Variants in ZNF385B observed in about 807,000 individuals in gnomAD.
ZNF385B encodes zinc finger protein 533.
Under a neutral mutation model 39.2 loss-of-function variants are expected in ZNF385B, and 23 were observed. The ratio of observed to expected loss-of-function variants is 0.59; its 90% CI spans 0.42 to 0.83. The LOEUF (loss-of-function observed/expected upper bound fraction) is 0.83, where lower values mean the gene tolerates loss of function less well. Among genes scored for constraint, ZNF385B ranks in the 40% least tolerant of loss-of-function variants. ZNF385B has a pLI of 0.00. For missense variants in ZNF385B, 552 were observed against 598.9 expected (o/e 0.92, Z 0.82); for synonymous variants, 205 against 222.6 (o/e 0.92, Z 0.70).
rs138950093 is a variant in ZNF385B, at chr2:179,567,650, C to T, written c.299-22681G>A. On this transcript the variant is annotated intron_variant, in intron 3 of 9. Transcript: ENST00000410066. ...ACATATTGTCAGCTCAAAGCCACTG[C>T]AATCAAAGGAGAGACAAAAGTGGGC... Among the ~76,000 whole-genome samples the T allele has an allele frequency of 6.6e-5, 10 of 152,306 alleles. No homozygotes were observed. In the East Asian group the frequency reaches 1.9e-3, roughly 29 times the overall value.
At position 179,571,708 on chromosome 2, in the gene ZNF385B, A is replaced by G. The variant is rs149720471; in HGVS notation, c.299-26739T>C. Among the ~76,000 whole-genome samples, 37 of 152,300 alleles carry G rather than the reference A, an allele frequency of 2.4e-4. No individual in the cohort carries two copies. In the East Asian group the frequency reaches 6.6e-3, roughly 27 times the overall value. On this transcript the variant is annotated intron_variant, in intron 3 of 9. Coordinates refer to ENST00000410066, the MANE Select transcript of ZNF385B (RefSeq NM_152520.6). ...CATGGCGTTTCTCAAATACAATATTAGACAGTTCTTGCTAATGCTACACTT... is the reference window on the plus strand; with the variant it reads ...CATGGCGTTTCTCAAATACAATATTGGACAGTTCTTGCTAATGCTACACTT...
chr2:179,455,447 GT>G lies in ZNF385B; in HGVS notation c.716-8678del, dbSNP rs1173202873. 1.1e-4 allele frequency among the ~76,000 whole-genome samples: 16 copies of G among 152,140 alleles called. No individual in the cohort carries two copies. The East Asian group carries it at 2.5e-3, about 24-fold the overall frequency. ...CATGAGATCTGATGGTTTCATAAGAGTTTTTTCCCCCTTTTGCTCGGCACGT... is the reference window on the plus strand; with the variant it reads ...CATGAGATCTGATGGTTTCATAAGAGTTTTTCCCCCTTTTGCTCGGCACGT... On this transcript the variant is annotated intron_variant, in intron 6 of 9. Transcript: ENST00000410066.
chr2:179,460,080 G>A (rs1184239218), intron 6 of ZNF385B, among the ~76,000 whole-genome samples: 1 of 151,882 alleles, frequency 6.6e-6, no homozygotes, highest in African/African-American at 2.4e-5. Flanking sequence ...CTCCAGCCTG[G>A]GCAACAGAGT....
intron 6 of ZNF385B, among the ~76,000 whole-genome samples, chr2:179,480,184 G>A (rs892853240): frequency 2.0e-5 from 3 of 152,128 alleles, no homozygotes; most frequent in Non-Finnish European, 4.4e-5. Flanking sequence ...CCACTTGACA[G>A]GAACTCTTCA....
intron 3 of ZNF385B, among the ~76,000 whole-genome samples, chr2:179,639,042 C>A (rs566849190): frequency 2.0e-5 from 3 of 151,706 alleles, no homozygotes; most frequent in African/African-American, 7.3e-5. Flanking sequence ...AACATGACAA[C>A]AATCCCATCT....
At chr2:179,591,779 T>C (rs1182818991) in intron 3 of ZNF385B, among the ~76,000 whole-genome samples, 1 of 152,114 alleles carries the variant, frequency 6.6e-6, no homozygotes, top group African/African-American at 2.4e-5. Flanking sequence ...ATAGATAAAC[T>C]GAGGCTCAGG....
intron 3 of ZNF385B, among the ~76,000 whole-genome samples, chr2:179,614,966 A>G (rs1039697566): frequency 7.9e-5 from 12 of 152,238 alleles, no homozygotes; most frequent in Non-Finnish European, 1.5e-4. Flanking sequence ...GAAATGTCAC[A>G]TATTAGACTT....
rs1160756004 is a variant in ZNF385B, at chr2:179,443,298, A to G, written c.1413T>C (p.His471=). ...AGGCAGGAGTGGCGCGGATGGGCCCATGCCCAGGCCTCAGAAGAGCTGGAG... is the reference window on the plus strand; with the variant it reads ...AGGCAGGAGTGGCGCGGATGGGCCCGTGCCCAGGCCTCAGAAGAGCTGGAG... ...AIPPALLRPG[H]GPIRATPASI... is the part of the protein sequence containing the mutation. The change falls in exon 10 of 10, where the codon CAT becomes CAC. Residue 471 remains histidine (H), a synonymous_variant. Coordinates refer to ENST00000410066, the MANE Select transcript of ZNF385B (RefSeq NM_152520.6). The G allele has an allele frequency of 6.2e-7, 1 of 1,612,774 alleles. No homozygotes were observed. Among genetic ancestry groups the G allele is most frequent in the East Asian group, 2.2e-5 (1 of 44,886 alleles).
At chr2:179,847,997 A>G (rs929396541) in intron 1 of ZNF385B, among the ~76,000 whole-genome samples, 19 of 152,332 alleles carry the variant, frequency 1.2e-4, no homozygotes, top group Admixed American at 3.9e-4. Flanking sequence ...ACATAGCTCT[A>G]GAAAGAAGCA....
intron 3 of ZNF385B, among the ~76,000 whole-genome samples, chr2:179,715,272 T>C (rs1700264218): frequency 6.6e-6 from 1 of 152,206 alleles, no homozygotes; most frequent in Non-Finnish European, 1.5e-5. Flanking sequence ...CCATAGGTGA[T>C]GACTTCCAAA....
At chr2:179,753,369 C>G (rs943868223) in intron 3 of ZNF385B, among the ~76,000 whole-genome samples, 1 of 152,062 alleles carries the variant, frequency 6.6e-6, no homozygotes, top group African/African-American at 2.4e-5. Flanking sequence ...AGTCAGGTAG[C>G]GTGATGCCTC....
Position 179,518,542 on chromosome 2 carries a change from G to A in ZNF385B, c.538C>T (p.Arg180Cys), listed in dbSNP as rs781519077. 3.0e-5 allele frequency: 48 copies of A among 1,603,638 alleles called. No individual in the cohort carries two copies. Among genetic ancestry groups the A allele is most frequent in the Non-Finnish European group, 3.8e-5 (45 of 1,176,014 alleles). The change falls in exon 5 of 10, where the codon CGC (arginine) becomes TGC (cysteine). Residue 180 changes from arginine (R) to cysteine (C), a missense_variant. Physicochemically the swap from Arg to Cys is radical, Grantham distance 180. Coordinates refer to ENST00000410066, the MANE Select transcript of ZNF385B (RefSeq NM_152520.6). ...GTGATACTCACATCTGAGTTAAAGC[G>A]AAGCTGACAGACATTACAAGAAATA... ...QVISCNVCQL[R>C]FNSDSQAEAH...
At chr2:179,483,205 A>T in intron 6 of ZNF385B, 67 bp downstream of exon 6, 1 of 1,576,710 alleles carries the variant, frequency 6.3e-7, no homozygotes, top group Non-Finnish European at 8.7e-7. Flanking sequence ...TGAGGGCAGG[A>T]AAACGGGGTC....
intron 3 of ZNF385B, among the ~76,000 whole-genome samples, chr2:179,611,740 A>C (rs1232791069): frequency 1.3e-5 from 2 of 152,046 alleles, no homozygotes; most frequent in Admixed American, 1.3e-4. Context: ...GAATTTCCTC[A>C]TGGTTCAATC....
chr2:179,673,370 G>A (rs1420256945), intron 3 of ZNF385B, among the ~76,000 whole-genome samples: 1 of 151,936 alleles, frequency 6.6e-6, no homozygotes, highest in Non-Finnish European at 1.5e-5. Context: ...AACATCATAC[G>A]CTTTTCACAA....
intron 3 of ZNF385B, among the ~76,000 whole-genome samples, chr2:179,737,066 T>C (rs1701809821): frequency 6.6e-6 from 1 of 152,196 alleles, no homozygotes. Context: ...CTCATCACAT[T>C]GTTTATTTAT....
At chr2:179,532,576 T>C (rs2059318506) in intron 4 of ZNF385B, among the ~76,000 whole-genome samples, 1 of 152,236 alleles carries the variant, frequency 6.6e-6, no homozygotes, top group African/African-American at 2.4e-5. Flanking sequence ...TTCTGAATTA[T>C]TCTGCTTTCT....
intron 1 of ZNF385B, among the ~76,000 whole-genome samples, chr2:179,777,768 G>A (rs1704416152): frequency 8.5e-6 from 1 of 117,898 alleles, no homozygotes; most frequent in South Asian, 2.9e-4. Flanking sequence ...TATATCAAGA[G>A]GTTTTTTTTT....
At chr2:179,555,225 AAAAT>A (rs1199904853) in intron 3 of ZNF385B, among the ~76,000 whole-genome samples, 1 of 149,802 alleles carries the variant, frequency 6.7e-6, no homozygotes, top group African/African-American at 2.5e-5. Context: ...GAAAAGAACT[AAAAT>A]AAAGGAGTAC....
Sources: gnomAD v4.1 joint callset for allele counts (sites outside exome capture counted in the v4.1 genomes callset) on GRCh38, gnomAD v4.1.1 for gene constraint, MANE v1.5 for transcripts, NCBI Gene and HGNC (gene_info 2026-07-23, HGNC 2026-07-21) for gene names.